Variants in ITPK1 observed in about 807,000 individuals in gnomAD.
ITPK1 encodes inositol-tetrakisphosphate 1-kinase, also known as inositol 1,3,4-trisphosphate 5/6-kinase.
In ITPK1, 21 loss-of-function variants were observed where a neutral mutation model predicts 45.3. That is an observed-to-expected ratio of 0.46 (90% CI 0.33 to 0.67). ITPK1 has a LOEUF of 0.67. Ranked by LOEUF, ITPK1 falls within the 30% of genes least tolerant of loss-of-function variation. ITPK1 has a pLI of 0.02. For missense variants in ITPK1, 474 were observed against 573.5 expected, an observed-to-expected ratio of 0.83 and a Z score of 1.77; for synonymous variants, 258 against 253.6, an observed-to-expected ratio of 1.02 and a Z score of -0.16.
intron 8 of ITPK1, among the ~76,000 whole-genome samples, chr14:92,956,520 A>C (rs1337036012): frequency 6.6e-6 from 1 of 151,980 alleles, no homozygotes; most frequent in Non-Finnish European, 1.5e-5. Context: ...TCACAGATAC[A>C]GGATAGGAGC....
chr14:92,960,096 G>A (rs533582935), intron 7 of ITPK1, among the ~76,000 whole-genome samples: 7 of 152,340 alleles, frequency 4.6e-5, no homozygotes, highest in East Asian at 3.9e-4. Context: ...AACATGCCCC[G>A]TCTGCACAGA....
At chr14:93,027,175 C>T (rs1412116096) in intron 3 of ITPK1, among the ~76,000 whole-genome samples, 4 of 152,124 alleles carry the variant, frequency 2.6e-5, no homozygotes, top group Non-Finnish European at 4.4e-5. Context: ...GGGGAGAGGA[C>T]CAGGGGGCTT....
At chr14:93,031,065 C>T (rs534912191) in intron 3 of ITPK1, among the ~76,000 whole-genome samples, 2 of 152,256 alleles carry the variant, frequency 1.3e-5, no homozygotes, top group South Asian at 4.1e-4. Context: ...TTCTCACCTC[C>T]GGAACTGGGA....
Position 92,941,338 on chromosome 14 carries a change from G to T in ITPK1, c.*223C>A. The T allele has an allele frequency of 3.5e-6, 5 of 1,411,612 alleles. No homozygotes were observed. The South Asian group carries it at 6.3e-5, about 18-fold the overall frequency. The allele number at this position is 1,411,612 out of a possible 1,614,324, so 87.4% of individuals were successfully genotyped here. On this transcript the variant is annotated 3_prime_UTR_variant, in exon 11 of 11. Transcript: ENST00000267615. ...AGTTAGGAGGTCTGCACAGTAGAGA[G>T]CAGGCGGACGGCCCCACTCCCCAAC...
chr14:92,993,790 A>G (rs1886907889), intron 5 of ITPK1, 90 bp downstream of exon 5: 1 of 787,614 alleles, frequency 1.3e-6, no homozygotes, highest in African/African-American at 1.7e-5. Flanking sequence ...AAAAGACAAG[A>G]CCCCTCTGTC....
chr14:93,008,648 G>T (rs535689353), intron 4 of ITPK1, among the ~76,000 whole-genome samples: 1 of 152,350 alleles, frequency 6.6e-6, no homozygotes, highest in Admixed American at 6.5e-5. Context: ...TACCCGGCCG[G>T]CTGTGCTCTT....
Position 92,939,585 on chromosome 14 carries a change from A to C in ITPK1, c.*1976T>G. ...GAAAATGCAGCTGCCCTGCACACCC[A>C]CAGCCCCGCCCCCGCCCCACCACGG... is the stretch of plus-strand genomic sequence containing the variant. On this transcript the variant is annotated 3_prime_UTR_variant, in exon 11 of 11. Transcript: ENST00000267615. 1 of 628,880 alleles carries C rather than the reference A, an allele frequency of 1.6e-6. No homozygotes were observed. Among genetic ancestry groups the C allele is most frequent in the Non-Finnish European group, 2.0e-6 (1 of 504,706 alleles). 39.0% of individuals were successfully genotyped at this position (628,880 alleles called of 1,614,324 possible). A position where few individuals can be genotyped will look rare whatever the true frequency, so the allele number is the denominator to read the frequency against.
rs1420479323 is a variant in ITPK1, at chr14:92,992,493, A to G, written c.364+1387T>C. 3.9e-5 allele frequency among the ~76,000 whole-genome samples: 6 copies of G among 152,200 alleles called. No individual in the cohort carries two copies. In the East Asian group the frequency reaches 1.2e-3, roughly 29 times the overall value. On this transcript the variant is annotated intron_variant, in intron 5 of 10. Transcript: ENST00000267615. The stretch of plus-strand genomic sequence containing the variant: ...GCATGTGCTAAGAAAGCCTGCCTAC[A>G]TGGGGCACCAGCATGACACCCCCAT...
At chr14:93,087,053 G>A (rs1022410454) in intron 2 of ITPK1, among the ~76,000 whole-genome samples, 39 of 152,234 alleles carry the variant, frequency 2.6e-4, no homozygotes, top group Non-Finnish European at 1.2e-4. Flanking sequence ...GGAGAAAACT[G>A]TATTCACTTC....
rs199834264 is a variant in ITPK1, at chr14:93,010,796, G to GC, written c.246+5879dup. Among the ~76,000 whole-genome samples, 541 of 152,192 alleles carry GC rather than the reference G, an allele frequency of 3.6e-3. 1 individual carries two copies. The highest frequency in any genetic ancestry group is 0.013 in the African/African-American group (522 of 41,482). On this transcript the variant is annotated intron_variant, in intron 4 of 10. Transcript: ENST00000267615. ...CGGGCCTGTACTGAGTGGCTCGTAC[G>GC]CATCATCACACCCCAGGCACTCACA...
chr14:93,073,634 T>C (rs1366611293), intron 3 of ITPK1, among the ~76,000 whole-genome samples: 3 of 152,166 alleles, frequency 2.0e-5, no homozygotes, highest in African/African-American at 7.2e-5. Context: ...TTTTTTTAGA[T>C]AGCAGCCAAA....
intron 2 of ITPK1, among the ~76,000 whole-genome samples, chr14:93,097,952 T>A: frequency 6.6e-6 from 1 of 152,068 alleles, no homozygotes; most frequent in East Asian, 1.9e-4. Context: ...GAGGTTGCAG[T>A]GAGCCAAGAT....
rs371185201 is a variant in ITPK1, at chr14:93,109,149, G to A, written c.95+5920C>T. 9.9e-5 allele frequency among the ~76,000 whole-genome samples: 15 copies of A among 152,236 alleles called. No individual in the cohort carries two copies. The East Asian group carries it at 1.5e-3, about 16-fold the overall frequency. Reference sequence around the variant, plus strand: ...CATACCAGCAGAAACCAACACCAGCGGAAGAAACATGTTCCATCCTTTTAA... The same window carrying A: ...CATACCAGCAGAAACCAACACCAGCAGAAGAAACATGTTCCATCCTTTTAA... On this transcript the variant is annotated intron_variant, in intron 2 of 10. Transcript: ENST00000267615.
intron 3 of ITPK1, among the ~76,000 whole-genome samples, chr14:93,028,993 C>T (rs1888894790): frequency 6.6e-6 from 1 of 152,188 alleles, no homozygotes; most frequent in African/African-American, 2.4e-5. Context: ...ATGTCCTATT[C>T]CTCCCCGTGG....
chr14:93,037,800 T>C (rs57933960), intron 3 of ITPK1, among the ~76,000 whole-genome samples: 3 of 152,218 alleles, frequency 2.0e-5, no homozygotes, highest in African/African-American at 7.2e-5. Flanking sequence ...ATACAGCTTT[T>C]CAAAAAAACT....
intron 3 of ITPK1, among the ~76,000 whole-genome samples, chr14:93,018,083 T>C (rs914696436): frequency 1.3e-5 from 2 of 152,098 alleles, no homozygotes; most frequent in African/African-American, 4.8e-5. Context: ...GCAGCTGTCC[T>C]CTCAGGCCAC....
intron 5 of ITPK1, among the ~76,000 whole-genome samples, chr14:92,967,150 C>A (rs1339174167): frequency 6.6e-6 from 1 of 152,296 alleles, no homozygotes; most frequent in South Asian, 2.1e-4. Context: ...AACATAAAGA[C>A]AACCCACAGA....
Position 93,086,166 on chromosome 14 carries a change from G to A in ITPK1, c.96-9547C>T, listed in dbSNP as rs568507903. Among the ~76,000 whole-genome samples the A allele has an allele frequency of 2.3e-3, 354 of 152,328 alleles. 1 individual carries two copies. The highest frequency in any genetic ancestry group is 8.1e-3 in the African/African-American group (337 of 41,564). On this transcript the variant is annotated intron_variant, in intron 2 of 10. Transcript: ENST00000267615. ...CATTTCCCTCCCTTGGACTCACTGG[G>A]GGAGGGAGAAGCCTGCTCAGGAAAG... is the stretch of plus-strand genomic sequence containing the variant.
At chr14:92,992,667 C>G (rs1886845347) in intron 5 of ITPK1, among the ~76,000 whole-genome samples, 1 of 152,210 alleles carries the variant, frequency 6.6e-6, no homozygotes, top group South Asian at 2.1e-4. Context: ...CCAGGGTCCT[C>G]AGTGGTACCC....
Sources: allele counts gnomAD v4.1 joint callset (sites outside exome capture counted in the v4.1 genomes callset), GRCh38; gene constraint gnomAD v4.1.1; transcripts MANE v1.5; gene names NCBI Gene and HGNC (gene_info 2026-07-23, HGNC 2026-07-21).